The following PRP4K variants were observed in gnomAD, a reference collection of about 807,000 sequenced individuals.
PRP4K encodes pre-mRNA processing factor kinase PRP4K.
the PRP4K span, chr6:4,049,142 T>G: frequency 6.6e-7 from 1 of 1,518,084 alleles, no homozygotes; most frequent in Non-Finnish European, 9.1e-7. Context: ...TAGAGTTCAT[T>G]GTAACACCAT....
the PRP4K span, among the ~76,000 whole-genome samples, chr6:4,034,129 G>A: frequency 1.3e-5 from 2 of 151,006 alleles, no homozygotes; most frequent in African/African-American, 4.9e-5. Flanking sequence ...GTCTTTCCTT[G>A]TACAGACAAT....
At chr6:4,042,336 C>A in the PRP4K span, 1 of 594,070 alleles carries the variant, frequency 1.7e-6, no homozygotes. Flanking sequence ...CCAAACCAGG[C>A]AGTTAACTGA....
At chr6:4,042,590 T>A in the PRP4K span, 2 of 1,568,682 alleles carry the variant, frequency 1.3e-6, no homozygotes, top group Admixed American at 3.9e-5. Context: ...TAATGAAAAA[T>A]AACCATTATT....
chr6:4,044,936 C>T, the PRP4K span, among the ~76,000 whole-genome samples: 76 of 150,982 alleles, frequency 5.0e-4, no homozygotes, highest in Middle Eastern at 3.4e-3. Flanking sequence ...GATCTCAGCT[C>T]ACTGCAAGCT....
the PRP4K span, chr6:4,049,151 A>G: frequency 1.4e-5 from 20 of 1,450,044 alleles, no homozygotes; most frequent in Middle Eastern, 7.2e-4. Flanking sequence ...TTGTAACACC[A>G]TGCAAAAGCA....
chr6:4,056,747 T>C, the PRP4K span: 1 of 1,489,998 alleles, frequency 6.7e-7, no homozygotes, highest in Non-Finnish European at 9.0e-7. Flanking sequence ...TTGCCTTGGT[T>C]GAGGCTGATT....
chr6:4,032,776 T>C, the PRP4K span: 1 of 1,530,194 alleles, frequency 6.5e-7, no homozygotes, highest in Non-Finnish European at 8.7e-7. Flanking sequence ...TACAAAATGT[T>C]AAAGCTTTTT....
chr6:4,021,590 T>C, the PRP4K span: 5 of 1,372,380 alleles, frequency 3.6e-6, no homozygotes, highest in Non-Finnish European at 5.0e-6. Context: ...TCCGGCGCGA[T>C]TCGTTGTGGG....
the PRP4K span, chr6:4,052,580 T>G: frequency 1.6e-6 from 1 of 625,972 alleles, no homozygotes; most frequent in African/African-American, 1.8e-5. Context: ...AAATGATTTA[T>G]CAAATGTGGG....
chr6:4,059,806 T>C, the PRP4K span, among the ~76,000 whole-genome samples: 2 of 152,112 alleles, frequency 1.3e-5, no homozygotes, highest in Non-Finnish European at 2.9e-5. Flanking sequence ...CCACCACGCC[T>C]GGATAATTTT....
the PRP4K span, among the ~76,000 whole-genome samples, chr6:4,035,284 ATTTTTTTTTTTTTTTT>A: frequency 3.4e-5 from 2 of 58,776 alleles, no homozygotes; most frequent in African/African-American, 7.8e-5. Context: ...CGCCCGGCTA[ATTTTTTTTTTTTTTTT>A]TTTTTTTTTT....
At chr6:4,056,989 T>C in the PRP4K span, 1 of 1,471,638 alleles carries the variant, frequency 6.8e-7, no homozygotes, top group East Asian at 2.3e-5. Flanking sequence ...TTAATAGTCG[T>C]CAGTTTTCTC....
the PRP4K span, among the ~76,000 whole-genome samples, chr6:4,030,427 T>C: frequency 1.3e-5 from 2 of 152,342 alleles, no homozygotes; most frequent in Admixed American, 6.5e-5. Context: ...CCAAAAATAG[T>C]ATGATGGCCT....
At chr6:4,047,229 T>G in the PRP4K span, 1 of 1,612,290 alleles carries the variant, frequency 6.2e-7, no homozygotes, top group South Asian at 1.1e-5. Context: ...TCTGATGATA[T>G]GTTTGCTGCG....
At chr6:4,049,629 T>C in the PRP4K span, 1 of 1,176,494 alleles carries the variant, frequency 8.5e-7, no homozygotes, top group East Asian at 2.5e-5. Flanking sequence ...GGAAACCAAA[T>C]AGTAGAGATT....
the PRP4K span, among the ~76,000 whole-genome samples, chr6:4,031,235 A>G: frequency 6.6e-6 from 1 of 152,304 alleles, no homozygotes; most frequent in African/African-American, 2.4e-5. Flanking sequence ...TACTAAATCA[A>G]TGTTAATGAG....
the PRP4K span, among the ~76,000 whole-genome samples, chr6:4,045,916 T>G: frequency 6.6e-6 from 1 of 152,270 alleles, no homozygotes; most frequent in East Asian, 1.9e-4. Context: ...TTCTTTCATG[T>G]ATGCATGTAT....
At chr6:4,044,084 TAA>T in the PRP4K span, 23 of 1,492,062 alleles carry the variant, frequency 1.5e-5, no homozygotes, top group Non-Finnish European at 5.6e-6. Flanking sequence ...AACTTTATAA[TAA>T]GAGACGTTAT....
the PRP4K span, chr6:4,043,992 G>A: frequency 2.3e-5 from 37 of 1,614,008 alleles, no homozygotes; most frequent in Admixed American, 5.0e-5. Flanking sequence ...TGAAAGCCAA[G>A]CATAATCTAA....
Sources: allele counts gnomAD v4.1 joint callset (sites outside exome capture counted in the v4.1 genomes callset), GRCh38; gene constraint gnomAD v4.1.1; transcripts MANE v1.5; gene names NCBI Gene and HGNC (gene_info 2026-07-23, HGNC 2026-07-21).